Variants in LRIF1 observed in about 807,000 individuals in gnomAD.
The protein encoded by LRIF1 is ligand-dependent nuclear receptor-interacting factor 1.
A neutral mutation model predicts 52.7 loss-of-function variants in LRIF1; 32 were observed. That is an observed-to-expected ratio of 0.61 (90% CI 0.46 to 0.82). LRIF1 has a LOEUF of 0.82. Among genes scored for constraint, LRIF1 ranks in the 40% least tolerant of loss-of-function variants. LRIF1 has a pLI of 0.00. For missense variants in LRIF1, 887 were observed against 892.0 expected (o/e 0.99, Z 0.07); for synonymous variants, 323 against 317.4 (o/e 1.02, Z -0.19).
At chr1:110,938,779 G>C in the LRIF1 span, 1 of 152,102 alleles carries the variant, frequency 6.6e-6, no homozygotes, top group Non-Finnish European at 1.5e-5. Flanking sequence ...ATTTTTGTTT[G>C]CAGATGATAT....
chr1:110,882,606 A>G, the LRIF1 span, among the ~76,000 whole-genome samples: 1 of 152,024 alleles, frequency 6.6e-6, no homozygotes, highest in African/African-American at 2.4e-5. Flanking sequence ...GCCTACAAAA[A>G]ATTCTGCTGT....
the LRIF1 span, among the ~76,000 whole-genome samples, chr1:110,911,086 C>A: frequency 6.6e-6 from 1 of 151,866 alleles, no homozygotes; most frequent in Admixed American, 6.6e-5. Flanking sequence ...AAAGAATAAA[C>A]AGGAACAGTA....
chr1:110,936,021 T>C, the LRIF1 span, among the ~76,000 whole-genome samples: 5 of 151,978 alleles, frequency 3.3e-5, no homozygotes, highest in African/African-American at 7.2e-5. Context: ...GGAAAACTTA[T>C]AGGCCAAGAG....
the LRIF1 span, among the ~76,000 whole-genome samples, chr1:110,885,153 C>T: frequency 6.6e-6 from 1 of 152,122 alleles, no homozygotes; most frequent in East Asian, 1.9e-4. Flanking sequence ...TCCATTTCTC[C>T]CTTCCCAGTC....
chr1:110,924,093 G>A, the LRIF1 span, among the ~76,000 whole-genome samples: 2 of 151,962 alleles, frequency 1.3e-5, no homozygotes, highest in Non-Finnish European at 2.9e-5. Flanking sequence ...AAAGTATTGT[G>A]AATAACTTTA....
At chr1:110,919,457 C>T in the LRIF1 span, among the ~76,000 whole-genome samples, 1 of 152,216 alleles carries the variant, frequency 6.6e-6, no homozygotes, top group Non-Finnish European at 1.5e-5. Flanking sequence ...GACTCTCTTG[C>T]TCCTCAAGCT....
chr1:110,878,998 T>C, the LRIF1 span, among the ~76,000 whole-genome samples: 735 of 151,284 alleles, frequency 4.9e-3, 5 homozygotes, highest in African/African-American at 0.017. Flanking sequence ...AAAAAAAACA[T>C]GTGCTTTTCT....
intron 1 of LRIF1, 108 bp downstream of exon 1, chr1:110,963,513 G>T: frequency 1.2e-6 from 1 of 852,266 alleles, no homozygotes; most frequent in Non-Finnish European, 1.8e-6. Context: ...CGCACTCTGC[G>T]GGCTCCAACT....
intron 3 of LRIF1, among the ~76,000 whole-genome samples, chr1:110,948,706 TG>T (rs1226684827): frequency 2.6e-5 from 4 of 152,296 alleles, no homozygotes; most frequent in African/African-American, 7.2e-5. Flanking sequence ...TAAAATTGAT[TG>T]TTTTTTTCTT....
intron 1 of LRIF1, among the ~76,000 whole-genome samples, chr1:110,953,747 A>G (rs988487612): frequency 7.9e-5 from 12 of 152,194 alleles, no homozygotes; most frequent in Non-Finnish European, 1.8e-4. Flanking sequence ...TTGAGCTTTC[A>G]TGTCACACAT....
At chr1:110,943,332 G>A (rs1055264564), downstream of LRIF1, 8 of 152,150 alleles carry the variant, frequency 5.3e-5, no homozygotes, top group African/African-American at 1.9e-4. Context: ...GAATAATGTT[G>A]TGAAGTATTC....
chr1:110,898,838 G>A, the LRIF1 span, among the ~76,000 whole-genome samples: 15 of 152,158 alleles, frequency 9.9e-5, no homozygotes, highest in African/African-American at 3.4e-4. Context: ...TGTTCAGTGA[G>A]CAGAATATGA....
At chr1:110,909,545 A>G in the LRIF1 span, among the ~76,000 whole-genome samples, 1 of 151,790 alleles carries the variant, frequency 6.6e-6, no homozygotes, top group East Asian at 1.9e-4. Context: ...CTATCAAGCA[A>G]ACAGAAAACA....
Position 110,948,175 on chromosome 1 carries a change from A to G in LRIF1, c.2094T>C (p.Tyr698=). 1.9e-6 allele frequency: 3 copies of G among 1,614,054 alleles called. No homozygotes were observed. Among genetic ancestry groups the G allele is most frequent in the East Asian group, 2.2e-5 (1 of 44,860 alleles). The change falls in exon 4 of 4, where the codon TAT becomes TAC. Residue 698 remains tyrosine, a synonymous_variant. Coordinates refer to ENST00000369763, the MANE Select transcript of LRIF1 (RefSeq NM_018372.4). ...TGCCTTTCTCTTGCTTCTCATGGGTATAGTATTCCATCTCAGTTCTCTTTT... is the reference window on the plus strand; with the variant it reads ...TGCCTTTCTCTTGCTTCTCATGGGTGTAGTATTCCATCTCAGTTCTCTTTT... The part of the protein sequence containing the change: ...RQEKRTEMEY[Y]THEKQEKGTL...
chr1:110,899,183 C>G, the LRIF1 span: 1 of 1,612,832 alleles, frequency 6.2e-7, no homozygotes, highest in Admixed American at 1.7e-5. Context: ...CCAGCCAGAC[C>G]ATAGGGCTAT....
At chr1:110,960,978 G>C (rs1447157706) in intron 1 of LRIF1, among the ~76,000 whole-genome samples, 1 of 152,150 alleles carries the variant, frequency 6.6e-6, no homozygotes, top group Non-Finnish European at 1.5e-5. Flanking sequence ...CTCCTTAGCA[G>C]GGCAAACAGA....
the LRIF1 span, among the ~76,000 whole-genome samples, chr1:110,883,878 T>G: frequency 6.6e-6 from 1 of 151,980 alleles, no homozygotes; most frequent in African/African-American, 2.4e-5. Flanking sequence ...TGTAGTGTTG[T>G]TCTCTCAATC....
At chr1:110,893,973 C>A in the LRIF1 span, among the ~76,000 whole-genome samples, 4 of 152,258 alleles carry the variant, frequency 2.6e-5, no homozygotes, top group South Asian at 8.3e-4. Flanking sequence ...GTAGAAAGGA[C>A]CAGGCCCCAA....
At chr1:110,945,508 C>T (rs1200477700), downstream of LRIF1, among the ~76,000 whole-genome samples, 2 of 151,914 alleles carry the variant, frequency 1.3e-5, no homozygotes, top group Non-Finnish European at 2.9e-5. Context: ...TCACTGCAAC[C>T]TCCACCTCCC....
Sources: allele counts gnomAD v4.1 joint callset (sites outside exome capture counted in the v4.1 genomes callset), GRCh38; gene constraint gnomAD v4.1.1; transcripts MANE v1.5; gene names NCBI Gene and HGNC (gene_info 2026-07-23, HGNC 2026-07-21).